LRP1B: variants seen among roughly 807,000 people sequenced by gnomAD.
LRP1B encodes low-density lipoprotein receptor-related protein 1B.
A neutral mutation model predicts 556.6 loss-of-function variants in LRP1B; 217 were observed. That is an observed-to-expected ratio of 0.39 (90% CI 0.35 to 0.44). The LOEUF is 0.44. LRP1B is among the 20% of genes least tolerant of loss of function. The pLI is 1.00. For missense variants in LRP1B, 5,053 were observed against 5,620.8 expected (o/e 0.90, Z 3.23); for synonymous variants, 2,047 against 1,865.8 (o/e 1.10, Z -2.50).
At chr2:141,464,476 G>T (rs1682083354) in intron 3 of LRP1B, among the ~76,000 whole-genome samples, 1 of 149,826 alleles carries the variant, frequency 6.7e-6, no homozygotes, top group South Asian at 2.1e-4. Flanking sequence ...GCAGTGGCAT[G>T]ATCTCGGCTC....
chr2:141,662,104 T>A (rs1301767303), intron 2 of LRP1B, among the ~76,000 whole-genome samples: 2 of 151,998 alleles, frequency 1.3e-5, no homozygotes, highest in African/African-American at 4.8e-5. Context: ...AAAGGAGAAA[T>A]TAAATACTTT....
At chr2:142,000,590 G>A (rs986308100) in intron 1 of LRP1B, among the ~76,000 whole-genome samples, 2 of 152,098 alleles carry the variant, frequency 1.3e-5, no homozygotes, top group African/African-American at 4.8e-5. Flanking sequence ...AGCTAATACA[G>A]GGAGAAGAGA....
rs1283804442 is a variant in LRP1B, at chr2:140,989,522, A to C, written c.2770+10T>G. The C allele has an allele frequency of 3.1e-6, 5 of 1,612,446 alleles. No homozygotes were observed. The highest frequency in any genetic ancestry group is 1.3e-5 in the African/African-American group (1 of 74,834). ...AGGAGATTTACGTGTATATCCAAGC[A>C]AACCTTTACCTGTGCAAGTTTGATT... On this transcript the variant is annotated intron_variant, in intron 17 of 90. Coordinates refer to ENST00000389484, the MANE Select transcript of LRP1B (RefSeq NM_018557.3).
intron 6 of LRP1B, among the ~76,000 whole-genome samples, chr2:141,226,085 T>C (rs962099539): frequency 2.0e-5 from 3 of 150,166 alleles, no homozygotes; most frequent in African/African-American, 4.9e-5. Flanking sequence ...TTATGCTGTG[T>C]ACAATTATCT....
At chr2:140,488,306 G>A (rs1345148275) in intron 57 of LRP1B, among the ~76,000 whole-genome samples, 1 of 151,988 alleles carries the variant, frequency 6.6e-6, no homozygotes, top group Non-Finnish European at 1.5e-5. Context: ...GCAATACAGT[G>A]TGATATTAGA....
intron 1 of LRP1B, among the ~76,000 whole-genome samples, chr2:141,868,843 T>G: frequency 6.6e-6 from 1 of 152,216 alleles, no homozygotes; most frequent in East Asian, 1.9e-4. Flanking sequence ...AAGAAAGGTA[T>G]CATCTTTTAC....
intron 3 of LRP1B, among the ~76,000 whole-genome samples, chr2:141,369,414 A>C (rs1399480558): frequency 6.6e-6 from 1 of 152,128 alleles, no homozygotes; most frequent in East Asian, 1.9e-4. Context: ...TCATTTTGTC[A>C]GTTTCAGAAA....
At chr2:141,305,029 A>G (rs1273089705) in intron 3 of LRP1B, among the ~76,000 whole-genome samples, 2 of 152,124 alleles carry the variant, frequency 1.3e-5, no homozygotes, top group East Asian at 1.9e-4. Context: ...TGATGCCTAC[A>G]TTTTTGTTCT....
At chr2:140,701,306 A>G (rs1686631899) in intron 40 of LRP1B, among the ~76,000 whole-genome samples, 1 of 152,166 alleles carries the variant, frequency 6.6e-6, no homozygotes, top group African/African-American at 2.4e-5. Context: ...GAAATATTTT[A>G]CATTAACAGC....
intron 25 of LRP1B, among the ~76,000 whole-genome samples, chr2:140,880,966 A>C (rs1693454245): frequency 6.6e-6 from 1 of 152,162 alleles, no homozygotes; most frequent in South Asian, 2.1e-4. Context: ...TTCCCTTGCC[A>C]CCAAAAAGCT....
intron 1 of LRP1B, among the ~76,000 whole-genome samples, chr2:142,105,518 T>C (rs890177016): frequency 2.0e-5 from 3 of 152,304 alleles, no homozygotes; most frequent in Admixed American, 6.5e-5. Flanking sequence ...TTGAAATGAC[T>C]ATTTTCTATG....
At chr2:141,078,514 A>C (rs1574051729) in intron 7 of LRP1B, among the ~76,000 whole-genome samples, 2 of 152,320 alleles carry the variant, frequency 1.3e-5, no homozygotes, top group South Asian at 2.1e-4. Context: ...ACTGTGACAC[A>C]GAAAGCTGGA....
At chr2:140,669,153 T>C (rs1685393307) in intron 41 of LRP1B, among the ~76,000 whole-genome samples, 1 of 152,174 alleles carries the variant, frequency 6.6e-6, no homozygotes, top group Non-Finnish European at 1.5e-5. Context: ...GCCACGGACA[T>C]GGTAGTAGGA....
chr2:140,889,456 C>A (rs1219500767), intron 23 of LRP1B, among the ~76,000 whole-genome samples: 1 of 152,066 alleles, frequency 6.6e-6, no homozygotes, highest in Non-Finnish European at 1.5e-5. Context: ...CTACCATACC[C>A]AGTTAATTTT....
intron 2 of LRP1B, among the ~76,000 whole-genome samples, chr2:141,637,775 A>C (rs181489351): frequency 1.4e-4 from 22 of 152,306 alleles, no homozygotes; most frequent in African/African-American, 5.1e-4. Context: ...TCTGAATATC[A>C]CACTGAAATG....
chr2:141,464,204 A>G (rs62168037), intron 3 of LRP1B, among the ~76,000 whole-genome samples: 8,143 of 152,120 alleles, frequency 0.054, 269 homozygotes, highest in Non-Finnish European at 0.067. Context: ...CTGTGAGTTT[A>G]CCCTTGCTAA....
chr2:141,987,853 C>T (rs1163562153), intron 1 of LRP1B, among the ~76,000 whole-genome samples: 1 of 151,560 alleles, frequency 6.6e-6, no homozygotes, highest in Non-Finnish European at 1.5e-5. Context: ...TAGTGCCTTT[C>T]CTTTAGACCC....
At chr2:141,948,005 G>A (rs974050270) in intron 1 of LRP1B, among the ~76,000 whole-genome samples, 1 of 151,858 alleles carries the variant, frequency 6.6e-6, no homozygotes, top group Non-Finnish European at 1.5e-5. Context: ...TTATAAAAAA[G>A]TATGATGATA....
At chr2:141,843,408 T>C (rs1472321490) in intron 1 of LRP1B, among the ~76,000 whole-genome samples, 1 of 152,118 alleles carries the variant, frequency 6.6e-6, no homozygotes, top group Non-Finnish European at 1.5e-5. Context: ...AGAAATTGTT[T>C]AACCAGACTG....
Sources: gnomAD v4.1 joint callset for allele counts (sites outside exome capture counted in the v4.1 genomes callset) on GRCh38, gnomAD v4.1.1 for gene constraint, MANE v1.5 for transcripts, NCBI Gene and HGNC (gene_info 2026-07-23, HGNC 2026-07-21) for gene names.